ADAMTS17: variants seen among roughly 807,000 people sequenced by gnomAD.
The protein encoded by ADAMTS17 is A disintegrin and metalloproteinase with thrombospondin motifs 17.
ADAMTS17 carries 113 observed loss-of-function variants against 141.5 expected under a neutral mutation model. That is an observed-to-expected ratio of 0.80 (90% CI 0.69 to 0.93). ADAMTS17 has a LOEUF of 0.93. ADAMTS17 is among the 40% of genes least tolerant of loss of function. The probability of loss-of-function intolerance (pLI) is 0.00; values close to 1 mark genes in which losing one functional copy is unlikely to be tolerated. For missense variants in ADAMTS17, 1,659 were observed against 1,517.9 expected (o/e 1.09, Z -1.54); for synonymous variants, 768 against 630.6 (o/e 1.22, Z -3.27).
At chr15:100,166,448 C>G (rs1301514162) in intron 8 of ADAMTS17, among the ~76,000 whole-genome samples, 1 of 152,180 alleles carries the variant, frequency 6.6e-6, no homozygotes, top group Admixed American at 6.5e-5. Flanking sequence ...ACATGGGCAC[C>G]TTTGCCCTGT....
intron 18 of ADAMTS17, among the ~76,000 whole-genome samples, chr15:100,013,176 T>A (rs556461585): frequency 3.1e-4 from 47 of 152,338 alleles, no homozygotes; most frequent in African/African-American, 9.4e-4. Flanking sequence ...CTTGATTTGA[T>A]TCTCTGCTTG....
intron 3 of ADAMTS17, among the ~76,000 whole-genome samples, chr15:100,296,158 C>CGGCA: frequency 6.6e-6 from 1 of 152,084 alleles, no homozygotes; most frequent in East Asian, 1.9e-4. Flanking sequence ...AGCAGTGAGC[C>CGGCA]GGCAGCAGGT....
At chr15:100,010,294 G>C (rs1407316573) in intron 18 of ADAMTS17, among the ~76,000 whole-genome samples, 1 of 152,246 alleles carries the variant, frequency 6.6e-6, no homozygotes, top group Non-Finnish European at 1.5e-5. Context: ...TCAGGGGCAA[G>C]AGCAGTGGGC....
intron 15 of ADAMTS17, among the ~76,000 whole-genome samples, chr15:100,060,005 G>C (rs1237304931): frequency 6.6e-6 from 1 of 152,218 alleles, no homozygotes; most frequent in Non-Finnish European, 1.5e-5. Context: ...GTGTGCACTT[G>C]AAATCAGGAT....
intron 18 of ADAMTS17, among the ~76,000 whole-genome samples, chr15:100,008,172 T>C (rs544920953): frequency 6.6e-6 from 1 of 152,126 alleles, no homozygotes; most frequent in Non-Finnish European, 1.5e-5. Context: ...GAGTGGGCTC[T>C]GCAGACCCTC....
intron 8 of ADAMTS17, among the ~76,000 whole-genome samples, chr15:100,170,876 C>T (rs1278827746): frequency 6.6e-6 from 1 of 152,156 alleles, no homozygotes; most frequent in Non-Finnish European, 1.5e-5. Flanking sequence ...CAGCCAATAG[C>T]AGGAGAAGGC....
intron 7 of ADAMTS17, among the ~76,000 whole-genome samples, chr15:100,217,910 G>C (rs977107768): frequency 2.0e-5 from 3 of 152,158 alleles, no homozygotes; most frequent in African/African-American, 7.2e-5. Flanking sequence ...TGATTAACAG[G>C]GTCTCACTGT....
intron 7 of ADAMTS17, among the ~76,000 whole-genome samples, chr15:100,230,937 G>A (rs2042462041): frequency 6.6e-6 from 1 of 152,166 alleles, no homozygotes; most frequent in Non-Finnish European, 1.5e-5. Flanking sequence ...CACGGGGGGA[G>A]GAGACAGAGG....
At chr15:100,026,574 C>T (rs1011774313) in intron 18 of ADAMTS17, among the ~76,000 whole-genome samples, 9 of 152,214 alleles carry the variant, frequency 5.9e-5, no homozygotes, top group African/African-American at 2.2e-4. Context: ...TTAGGTCAAA[C>T]AACCTTATGC....
At chr15:100,164,025 C>A (rs1181014105) in intron 8 of ADAMTS17, among the ~76,000 whole-genome samples, 1 of 152,198 alleles carries the variant, frequency 6.6e-6, no homozygotes. Context: ...AATCTGCACT[C>A]CTAGCTGGCC....
At chr15:100,335,207 G>C (rs1457495062) in intron 2 of ADAMTS17, among the ~76,000 whole-genome samples, 1 of 152,160 alleles carries the variant, frequency 6.6e-6, no homozygotes, top group Non-Finnish European at 1.5e-5. Context: ...GCCGGCTCAA[G>C]GTTGAGAACC....
intron 12 of ADAMTS17, among the ~76,000 whole-genome samples, chr15:100,119,972 T>TG (rs1250114115): frequency 6.6e-6 from 1 of 152,242 alleles, no homozygotes; most frequent in African/African-American, 2.4e-5. Flanking sequence ...GTCTTCCTCC[T>TG]GTTCCTCTTA....
intron 8 of ADAMTS17, among the ~76,000 whole-genome samples, chr15:100,192,863 A>G (rs1193826084): frequency 6.6e-6 from 1 of 151,136 alleles, no homozygotes; most frequent in Non-Finnish European, 1.5e-5. Context: ...CTCTCCCCCA[A>G]CCTTCCCTCC....
At chr15:100,110,194 T>C (rs2036671496) in intron 13 of ADAMTS17, among the ~76,000 whole-genome samples, 1 of 146,002 alleles carries the variant, frequency 6.8e-6, no homozygotes, top group Admixed American at 6.9e-5. Flanking sequence ...TATATACTGA[T>C]ATATATATAT....
intron 8 of ADAMTS17, among the ~76,000 whole-genome samples, chr15:100,191,807 G>A (rs1304315112): frequency 6.6e-6 from 1 of 152,168 alleles, no homozygotes; most frequent in African/African-American, 2.4e-5. Flanking sequence ...GAGGAAGCAA[G>A]AAATCAGGCA....
At position 100,155,187 on chromosome 15, in the gene ADAMTS17, A is replaced by C. The variant is rs1482137692; in HGVS notation, c.1315T>G (p.Phe439Val). The change falls in exon 9 of 22, where the codon TTC (phenylalanine) becomes GTC (valine). Residue 439 changes from phenylalanine (F) to valine (V), a missense_variant. Transcript: ENST00000268070. ...AATAATTCCAGGACTTACTTGAGGAAGTTTTCAAGGTCATCTCGGCTGCAG... is the reference window on the plus strand; with the variant it reads ...AATAATTCCAGGACTTACTTGAGGACGTTTTCAAGGTCATCTCGGCTGCAG... ...SSCSRDDLEN[F>V]LKSKVSTCLL... The C allele has an allele frequency of 1.2e-6, 2 of 1,614,222 alleles. No individual in the cohort carries two copies. Among genetic ancestry groups the C allele is most frequent in the Admixed American group, 3.3e-5 (2 of 60,028 alleles).
chr15:100,048,490 A>C (rs1596299666), intron 18 of ADAMTS17, among the ~76,000 whole-genome samples: 2 of 151,312 alleles, frequency 1.3e-5, no homozygotes, highest in Admixed American at 1.3e-4. Flanking sequence ...GCCTGTGTGC[A>C]CCTTTCTCCT....
intron 15 of ADAMTS17, among the ~76,000 whole-genome samples, chr15:100,057,551 T>C (rs7178917): frequency 0.99 from 150,160 of 152,210 alleles, 74,101 homozygotes; most frequent in East Asian, 1. Flanking sequence ...GTCCCTGGTT[T>C]GTTGCTTCTG....
chr15:100,079,175 C>G (rs763647826), intron 15 of ADAMTS17, among the ~76,000 whole-genome samples: 105 of 152,316 alleles, frequency 6.9e-4, no homozygotes, highest in Non-Finnish European at 1.3e-3. Flanking sequence ...ACACAGAATT[C>G]TCACTCACCA....
Sources: allele counts gnomAD v4.1 joint callset (sites outside exome capture counted in the v4.1 genomes callset), GRCh38; gene constraint gnomAD v4.1.1; transcripts MANE v1.5; gene names NCBI Gene and HGNC (gene_info 2026-07-23, HGNC 2026-07-21).